Variants in HHATL observed in about 807,000 individuals in gnomAD.
HHATL encodes the protein hedgehog acyltransferase like, also known as protein-cysteine N-palmitoyltransferase HHAT-like protein.
In HHATL, 49 loss-of-function variants were observed where a neutral mutation model predicts 59.7. The ratio of observed to expected loss-of-function variants is 0.82; its 90% CI spans 0.65 to 1.04. The LOEUF is 1.04. HHATL is among the 50% of genes least tolerant of loss of function. HHATL has a pLI of 0.00. For synonymous variants in HHATL, 238 were observed against 257.3 expected (o/e 0.93, Z 0.72); for missense variants, 605 against 650.8 (o/e 0.93, Z 0.77).
chr3:42,693,000 A>G (rs1489332402), intron 11 of HHATL, 77 bp downstream of exon 11: 4 of 1,595,472 alleles, frequency 2.5e-6, no homozygotes, highest in Non-Finnish European at 3.4e-6. Flanking sequence ...TGAGGGAGAT[A>G]GGAGGCATTT....
rs776409096 is a variant in HHATL at position 42,699,094 on chromosome 3, T to C, written c.226A>G (p.Ile76Val). Residue 76 changes from isoleucine to valine, a missense_variant, in exon 4 of 12, where the codon ATC becomes GTC. Ile to Val is a conservative substitution (Grantham distance 29, BLOSUM62 3). Coordinates refer to ENST00000441594, the MANE Select transcript of HHATL (RefSeq NM_020707.4). ...ACATGTCCGGAGAGGGCAAAGATGA[T>C]GACGTTGCGAAAGGAGGTGAACCAC... is the stretch of plus-strand genomic sequence containing the variant. The part of the protein sequence containing the change: ...VMWFTSFRNV[I>V]IFALSGHVLF... 3 of 1,614,016 alleles carry C rather than the reference T, an allele frequency of 1.9e-6. No homozygotes were observed. The highest frequency in any genetic ancestry group is 2.2e-5 in the East Asian group (1 of 44,862).
At chr3:42,696,969 G>A (rs780947089) in intron 8 of HHATL, 32 bp downstream of exon 8, 43 of 1,612,968 alleles carry the variant, frequency 2.7e-5, no homozygotes, top group Non-Finnish European at 3.6e-5. Context: ...GGTCCCAGGG[G>A]GTGAGCCTCC....
chr3:42,692,893 CAT>C lies in HHATL; in HGVS notation c.1391-20_1391-19del. ...GGGGAACCCTGTGTGGGGAGGGAGTCATAGATGCTCAGGAGCAGCACTGCATC... is the reference window on the plus strand; with the variant it reads ...GGGGAACCCTGTGTGGGGAGGGAGTCAGATGCTCAGGAGCAGCACTGCATC... On this transcript the variant is annotated intron_variant, in intron 11 of 11. Coordinates refer to ENST00000441594, the MANE Select transcript of HHATL (RefSeq NM_020707.4). 6 of 1,612,212 alleles carry C rather than the reference CAT, an allele frequency of 3.7e-6. No individual in the cohort carries two copies. The highest frequency in any genetic ancestry group is 3.3e-5 in the South Asian group (3 of 91,026).
intron 10 of HHATL, 98 bp downstream of exon 10, chr3:42,693,519 G>A: frequency 9.3e-7 from 1 of 1,072,152 alleles, no homozygotes. Flanking sequence ...AGAAAGTTCT[G>A]GATTAGGGGC....
intron 5 of HHATL, 64 bp from the exon 6 acceptor site, chr3:42,698,415 C>T: frequency 2.7e-6 from 4 of 1,470,052 alleles, no homozygotes; most frequent in Non-Finnish European, 3.8e-6. Flanking sequence ...AAAACCTATT[C>T]CCCACTCCCT....
Position 42,701,575 on chromosome 3 carries a change from T to TGGGGCCAGGC in HHATL, c.-13-746_-13-737dup, listed in dbSNP as rs546274629. 0.016 allele frequency: 2,495 copies of TGGGGCCAGGC among 152,620 alleles called. 100 individuals are homozygous for TGGGGCCAGGC. The highest frequency in any genetic ancestry group is 0.11 in the East Asian group (582 of 5,138). 9.5% of individuals were successfully genotyped at this position (152,620 alleles called of 1,614,324 possible). ...AGGAGGTGCCCAGGAGTAGCGGATG[T>TGGGGCCAGGC]GGGGCCAGGCGGGGCCAGGCGGGGC... On this transcript the variant is annotated intron_variant, in intron 1 of 11. Transcript: ENST00000441594. The surrounding 1 kb of genome is among the most constrained non-coding windows in gnomAD (Gnocchi z 5.1).
rs201339392 is a variant in HHATL, at chr3:42,699,004, G to A, written c.288+28C>T. On this transcript the variant is annotated intron_variant, in intron 4 of 11. Transcript: ENST00000441594. ...GTGGTGAAAGAGGAGCTGGCAGGGA[G>A]AGGCTGGGTGGCCCAGGTCCAGCTC... 4.3e-4 allele frequency: 698 copies of A among 1,612,584 alleles called. 3 individuals carry two copies. The highest frequency in any genetic ancestry group is 5.0e-4 in the Non-Finnish European group (593 of 1,178,572).
At chr3:42,696,773 A>T in intron 9 of HHATL, 69 bp downstream of exon 9, 1 of 1,550,472 alleles carries the variant, frequency 6.4e-7, no homozygotes, top group Non-Finnish European at 8.8e-7. Flanking sequence ...ATGTGGACCC[A>T]TCTTGGCACT....
At chr3:42,696,199 T>A (rs1208767250) in intron 9 of HHATL, among the ~76,000 whole-genome samples, 2 of 152,178 alleles carry the variant, frequency 1.3e-5, no homozygotes, top group East Asian at 3.9e-4. Context: ...GGGTGGCACA[T>A]GACCTTGATT....
Position 42,693,080 on chromosome 3 carries a change from T to A in HHATL, c.1387A>T (p.Thr463Ser). Residue 463 changes from threonine (T) to serine (S), a missense_variant, in exon 11 of 12, where the codon ACA (threonine) becomes TCA (serine). Transcript: ENST00000441594. ...TCCCCACACCCCTGTCCCTCACCTG[T>A]GAGTAGCAGGCGCCGGGCAACCAGC... Reference protein sequence around the residue: ...TELVARRLLLTGFPQTTLSIL... With the variant: ...TELVARRLLLSGFPQTTLSIL... The A allele has an allele frequency of 6.2e-7, 1 of 1,614,090 alleles. No homozygotes were observed. Among genetic ancestry groups the A allele is most frequent in the Non-Finnish European group, 8.5e-7 (1 of 1,179,986 alleles).
intron 9 of HHATL, 145 bp from the exon 10 acceptor site, chr3:42,693,963 C>T: frequency 3.1e-6 from 2 of 650,074 alleles, no homozygotes; most frequent in Non-Finnish European, 5.4e-6. Context: ...AGCTCCTCCT[C>T]CAACCAACTT....
chr3:42,700,164 C>CTG (rs10576105), intron 2 of HHATL, among the ~76,000 whole-genome samples: 13,483 of 90,468 alleles, frequency 0.15, 1,576 homozygotes, highest in Non-Finnish European at 0.19. Flanking sequence ...GTCCAGGACT[C>CTG]TGTGTGTGTG....
chr3:42,697,269 T>C (rs1697668927), intron 7 of HHATL, 124 bp from the exon 8 acceptor site: 4 of 1,281,152 alleles, frequency 3.1e-6, no homozygotes, highest in African/African-American at 3.0e-5. Flanking sequence ...GACCCCCCCA[T>C]ATTGTGGAAA....
rs1211484563 is a variant in HHATL, at chr3:42,700,054, TTGTG to T, written c.107-233_107-230del. 3.8e-5 allele frequency among the ~76,000 whole-genome samples: 5 copies of T among 131,830 alleles called. 1 individual carries two copies. Among genetic ancestry groups the T allele is most frequent in the African/African-American group, 5.8e-5 (2 of 34,536 alleles). 86.5% of individuals were successfully genotyped at this position (131,830 alleles called of 152,430 possible). ...GGTGTGTGTGTATATGTCTGTGTGT[TTGTG>T]TGTGTGTCGGGGTCCAGGTCTCTGT... On this transcript the variant is annotated intron_variant, in intron 2 of 11. Transcript: ENST00000441594.
At chr3:42,694,652 T>G (rs1471180022) in intron 9 of HHATL, among the ~76,000 whole-genome samples, 3 of 152,258 alleles carry the variant, frequency 2.0e-5, no homozygotes, top group Non-Finnish European at 4.4e-5. Context: ...TTCATCATGC[T>G]GGCCTCACTG....
Position 42,693,346 on chromosome 3 carries a change from G to C in HHATL, c.1249-128C>G, listed in dbSNP as rs1037425755. 9.2e-6 allele frequency: 11 copies of C among 1,192,486 alleles called. No homozygotes were observed. In the African/African-American group the frequency reaches 1.5e-4, roughly 16 times the overall value. The allele number at this position is 1,192,486 out of a possible 1,614,324, so 73.9% of individuals were successfully genotyped here. ...TATGTCTGGGTCTCGGAGAGCCCCA[G>C]GTCAGCTCTCCCTCCTTGTTAAACA... On this transcript the variant is annotated intron_variant, in intron 10 of 11. Transcript: ENST00000441594.
intron 4 of HHATL, 51 bp downstream of exon 4, chr3:42,698,978 TGTG>T: frequency 6.2e-7 from 1 of 1,611,442 alleles, no homozygotes; most frequent in Admixed American, 1.7e-5. Flanking sequence ...CCACAACCCT[TGTG>T]GTGAAAGAGG....
intron 7 of HHATL, 105 bp downstream of exon 7, chr3:42,697,403 G>A (rs554142793): frequency 2.3e-6 from 3 of 1,315,696 alleles, no homozygotes; most frequent in East Asian, 4.6e-5. Context: ...CTCAGGTGCT[G>A]TGCCCTGCGT....
chr3:42,693,290 C>A (rs1697434771), intron 10 of HHATL, 72 bp from the exon 11 acceptor site: 3 of 1,576,544 alleles, frequency 1.9e-6, no homozygotes, highest in Middle Eastern at 1.7e-4. Flanking sequence ...GGTCAGCAGC[C>A]TTACCCACCT....
Sources: allele counts gnomAD v4.1 joint callset (sites outside exome capture counted in the v4.1 genomes callset), GRCh38; gene constraint gnomAD v4.1.1; non-coding constraint Gnocchi (gnomAD v3.1); transcripts MANE v1.5; gene names NCBI Gene and HGNC (gene_info 2026-07-23, HGNC 2026-07-21).